MBTD1: variants seen among roughly 807,000 people sequenced by gnomAD.
MBTD1 encodes the protein mbt domain containing 1, also known as MBT domain-containing protein 1.
Under a neutral mutation model 87.8 loss-of-function variants are expected in MBTD1, and 24 were observed. The ratio of observed to expected loss-of-function variants is 0.27; its 90% CI spans 0.20 to 0.38. The LOEUF is 0.38. Among genes scored for constraint, MBTD1 ranks in the 10% least tolerant of loss-of-function variants. The pLI, the probability that MBTD1 is intolerant of heterozygous loss-of-function variation, is 1.00. For missense variants in MBTD1, 436 were observed against 760.2 expected (o/e 0.57, Z 5.02); for synonymous variants, 237 against 248.6 (o/e 0.95, Z 0.44).
upstream of MBTD1, chr17:51,260,494 CG>C (rs1361530360): frequency 4.3e-6 from 6 of 1,402,238 alleles, no homozygotes; most frequent in Non-Finnish European, 5.7e-6. Context: ...TTCCGGCCCC[CG>C]GGGCTTCGGC....
chr17:51,194,982 T>C (rs541603213), intron 13 of MBTD1, among the ~76,000 whole-genome samples: 3 of 152,294 alleles, frequency 2.0e-5, no homozygotes, highest in East Asian at 3.9e-4. Flanking sequence ...ATTCATATTA[T>C]AAAATACACA....
At chr17:51,242,682 A>G (rs993729194) in intron 2 of MBTD1, among the ~76,000 whole-genome samples, 2 of 152,152 alleles carry the variant, frequency 1.3e-5, no homozygotes, top group African/African-American at 4.8e-5. Flanking sequence ...GGTGTAACTC[A>G]AATGTCATTT....
chr17:51,208,743 A>T (rs4793687), intron 6 of MBTD1, among the ~76,000 whole-genome samples: 15,606 of 152,250 alleles, frequency 0.1, 1,609 homozygotes, highest in African/African-American at 0.26. Flanking sequence ...CTGGTAAGTA[A>T]GTTTGGCATA....
chr17:51,236,772 GAA>G (rs34703362), intron 2 of MBTD1, among the ~76,000 whole-genome samples: 24 of 150,776 alleles, frequency 1.6e-4, no homozygotes, highest in African/African-American at 5.3e-4. Context: ...ATTTAGTGGA[GAA>G]AAAAAAAATA....
Position 51,259,611 on chromosome 17 carries a change from T to C in MBTD1, c.-113+224A>G, listed in dbSNP as rs2055337647. Reference sequence around the variant, plus strand: ...TTTTTCTTCCAAAGGGTGGAGGAGATGGAGAGAACCCCAACGAGTCCAAGG... The same window carrying C: ...TTTTTCTTCCAAAGGGTGGAGGAGACGGAGAGAACCCCAACGAGTCCAAGG... On this transcript the variant is annotated intron_variant, in intron 1 of 16. Coordinates refer to ENST00000586178, the MANE Select transcript of MBTD1 (RefSeq NM_017643.3). 2.1e-5 allele frequency among the ~76,000 whole-genome samples: 3 copies of C among 144,418 alleles called. No homozygotes were observed. In the South Asian group the frequency reaches 6.9e-4, roughly 33 times the overall value. 94.7% of individuals were successfully genotyped at this position (144,418 alleles called of 152,430 possible). A position where few individuals can be genotyped will look rare whatever the true frequency, so the allele number is the denominator to read the frequency against.
chr17:51,206,526 T>C (rs780646673), intron 7 of MBTD1, among the ~76,000 whole-genome samples: 8 of 152,212 alleles, frequency 5.3e-5, no homozygotes, highest in African/African-American at 4.8e-5. Context: ...AGAATTACTT[T>C]TACATTTTTA....
At chr17:51,260,431 G>A (rs1306804027), upstream of MBTD1, 6 of 812,230 alleles carry the variant, frequency 7.4e-6, no homozygotes, top group Non-Finnish European at 1.1e-5. Flanking sequence ...GGGAGCGGGA[G>A]TTACGTAGAG....
At chr17:51,230,512 T>G (rs1568212144) in intron 2 of MBTD1, among the ~76,000 whole-genome samples, 1 of 152,168 alleles carries the variant, frequency 6.6e-6, no homozygotes, top group Non-Finnish European at 1.5e-5. Context: ...CAAGCAAGGC[T>G]GTGTGAGGGC....
At chr17:51,240,682 G>A (rs1184330804) in intron 2 of MBTD1, among the ~76,000 whole-genome samples, 1 of 152,114 alleles carries the variant, frequency 6.6e-6, no homozygotes, top group Admixed American at 6.6e-5. Context: ...TTTCTCTGCT[G>A]TGAAGTTACT....
At chr17:51,224,980 A>G in intron 3 of MBTD1, 28 bp downstream of exon 3, 2 of 1,433,712 alleles carry the variant, frequency 1.4e-6, no homozygotes, top group Non-Finnish European at 1.9e-6. Context: ...ATAAAGCTGT[A>G]GAACAGGTGA....
At chr17:51,236,639 A>T (rs2053854106) in intron 2 of MBTD1, among the ~76,000 whole-genome samples, 1 of 152,218 alleles carries the variant, frequency 6.6e-6, no homozygotes, top group African/African-American at 2.4e-5. Flanking sequence ...ATGGTGTGGC[A>T]CAAGGCCCGA....
chr17:51,201,564 T>A, intron 12 of MBTD1, 28 bp downstream of exon 12: 2 of 1,420,332 alleles, frequency 1.4e-6, no homozygotes, highest in South Asian at 2.4e-5. Flanking sequence ...ATAATTGCAT[T>A]TCTATATTTT....
chr17:51,196,249 G>C (rs1319938987), intron 12 of MBTD1, among the ~76,000 whole-genome samples: 13 of 145,448 alleles, frequency 8.9e-5, no homozygotes, highest in African/African-American at 2.6e-5. Context: ...TTTTGAGACA[G>C]AGTTTCCCTC....
intron 12 of MBTD1, among the ~76,000 whole-genome samples, chr17:51,197,132 T>A (rs1192534980): frequency 1.0e-5 from 1 of 97,044 alleles, no homozygotes; most frequent in African/African-American, 3.5e-5. Flanking sequence ...GACGGAGTCT[T>A]GCTTTGTTGC....
chr17:51,248,816 A>G (rs1284769481), intron 2 of MBTD1, among the ~76,000 whole-genome samples: 1 of 152,266 alleles, frequency 6.6e-6, no homozygotes, highest in Non-Finnish European at 1.5e-5. Context: ...CTGTGAATAC[A>G]TAATACAAGG....
At chr17:51,190,337 C>T (rs11653287) in intron 16 of MBTD1, among the ~76,000 whole-genome samples, 4 of 152,092 alleles carry the variant, frequency 2.6e-5, no homozygotes, top group Non-Finnish European at 5.9e-5. Context: ...CCAGGCTGGT[C>T]TAAAGCCATC....
At chr17:51,230,265 C>T (rs1291090735) in intron 2 of MBTD1, among the ~76,000 whole-genome samples, 1 of 152,188 alleles carries the variant, frequency 6.6e-6, no homozygotes, top group Non-Finnish European at 1.5e-5. Context: ...GGGACAACCA[C>T]ATTTAGATAC....
chr17:51,207,033 G>A, intron 6 of MBTD1, 28 bp from the exon 7 acceptor site: 3 of 1,278,648 alleles, frequency 2.3e-6, no homozygotes, highest in Non-Finnish European at 2.3e-6. Flanking sequence ...TTAAATTATT[G>A]TCTTATTAAC....
chr17:51,190,890 G>A (rs1008438237), intron 16 of MBTD1, among the ~76,000 whole-genome samples: 8 of 151,180 alleles, frequency 5.3e-5, no homozygotes, highest in African/African-American at 4.9e-5. Flanking sequence ...AGACCAGCCT[G>A]GGCAACGTGG....
Sources: gnomAD v4.1 joint callset for allele counts (sites outside exome capture counted in the v4.1 genomes callset) on GRCh38, gnomAD v4.1.1 for gene constraint, MANE v1.5 for transcripts, NCBI Gene and HGNC (gene_info 2026-07-23, HGNC 2026-07-21) for gene names.